Variants in NHS observed in about 807,000 individuals in gnomAD.
NHS encodes the protein NHS actin remodeling regulator.
In NHS, 5 loss-of-function variants were observed where a neutral mutation model predicts 72.5. That is an observed-to-expected ratio of 0.07 (90% CI 0.04 to 0.14). The LOEUF (loss-of-function observed/expected upper bound fraction) is 0.14. Ranked by LOEUF, NHS falls within the 10% of genes least tolerant of loss-of-function variation. NHS has a pLI of 1.00. For missense variants in NHS, 1,072 were observed against 1,355.7 expected, an observed-to-expected ratio of 0.79 and a Z score of 3.29; for synonymous variants, 464 against 547.7, an observed-to-expected ratio of 0.85 and a Z score of 2.13.
In NHS at chrX:17,692,236, T is replaced by G. The variant is rs920402109; in HGVS notation, c.719-99T>G. The G allele has an allele frequency of 3.0e-5, 30 of 983,731 alleles. No homozygotes were observed. In the African/African-American group the frequency reaches 3.7e-4, roughly 12 times the overall value. 81.1% of individuals were successfully genotyped at this position (983,731 alleles called of 1,213,427 possible). A position where few individuals can be genotyped will look rare whatever the true frequency, so the allele number is the denominator to read the frequency against. On this transcript the variant is annotated intron_variant, in intron 2 of 8. Coordinates refer to ENST00000676302, the MANE Select transcript of NHS (RefSeq NM_001291867.2). The stretch of plus-strand genomic sequence containing the variant: ...TAGCTAAAGTAATGAAAACTCACTT[T>G]TTTTTTTTTTTACAGCCTTTTGCTA...
intron 1 of NHS, among the ~76,000 whole-genome samples, chrX:17,383,187 A>G (rs928553092): frequency 5.4e-5 from 6 of 111,666 alleles, no homozygotes; most frequent in Admixed American, 2.8e-4. Context: ...AACTACTTGC[A>G]CTCAAACCTG....
intron 1 of NHS, among the ~76,000 whole-genome samples, chrX:17,483,496 C>T (rs1182411778): frequency 8.9e-6 from 1 of 112,328 alleles, no homozygotes; most frequent in African/African-American, 3.2e-5. Flanking sequence ...TATTAAATTT[C>T]AGTTACAAAT....
chrX:17,402,597 T>C (rs2064507731), intron 1 of NHS, among the ~76,000 whole-genome samples: 1 of 111,889 alleles, frequency 8.9e-6, no homozygotes, highest in Non-Finnish European at 1.9e-5. Context: ...CCAGAACAGA[T>C]AAATTTATAG....
chrX:17,562,765 T>C lies in NHS; in HGVS notation c.566-124977T>C, dbSNP rs73636658. 7.7e-3 allele frequency among the ~76,000 whole-genome samples: 864 copies of C among 112,270 alleles called. 7 individuals are homozygous for C. The highest frequency in any genetic ancestry group is 0.027 in the African/African-American group (840 of 30,885). ...TGTGGGATCCAAAAATTAATTATACTATACATTTGAAATCTGTTCATTTCA... is the reference window on the plus strand; with the variant it reads ...TGTGGGATCCAAAAATTAATTATACCATACATTTGAAATCTGTTCATTTCA... On this transcript the variant is annotated intron_variant, in intron 1 of 8. Transcript: ENST00000676302.
chrX:17,652,384 TA>T (rs1208757922), intron 1 of NHS, among the ~76,000 whole-genome samples: 4 of 112,645 alleles, frequency 3.6e-5, no homozygotes, highest in Non-Finnish European at 7.5e-5. Flanking sequence ...GTGGCTTGTA[TA>T]CACAACAGAA....
intron 1 of NHS, among the ~76,000 whole-genome samples, chrX:17,473,741 T>G (rs764090328): frequency 9.0e-6 from 1 of 111,643 alleles, no homozygotes; most frequent in Non-Finnish European, 1.9e-5. Flanking sequence ...GTTAGTAATT[T>G]TTTTACATTG....
chrX:17,544,585 C>T (rs1182124160), intron 1 of NHS, among the ~76,000 whole-genome samples: 2 of 111,953 alleles, frequency 1.8e-5, no homozygotes, highest in Admixed American at 9.5e-5. Flanking sequence ...GATCTTGGCT[C>T]CCTGCAACCT....
chrX:17,493,033 G>GT (rs1394469601), intron 1 of NHS, among the ~76,000 whole-genome samples: 3 of 111,903 alleles, frequency 2.7e-5, no homozygotes, highest in Non-Finnish European at 5.6e-5. Flanking sequence ...GTTGAATTCT[G>GT]TTTTTTGTTG....
intron 3 of NHS, among the ~76,000 whole-genome samples, chrX:17,718,423 GAAGGAAGA>G (rs1481159567): frequency 4.5e-5 from 4 of 88,985 alleles, no homozygotes; most frequent in African/African-American, 2.2e-4. Context: ...AGGAAGGAGA[GAAGGAAGA>G]AAGGAAGGAA....
chrX:17,385,520 A>T (rs1411513325), intron 1 of NHS, among the ~76,000 whole-genome samples: 1 of 111,140 alleles, frequency 9.0e-6, no homozygotes, highest in Non-Finnish European at 1.9e-5. Context: ...TCCAGAAAAA[A>T]TTTTTACTTA....
At chrX:17,672,392 G>A (rs919617000) in intron 1 of NHS, among the ~76,000 whole-genome samples, 10 of 112,395 alleles carry the variant, frequency 8.9e-5, no homozygotes, top group African/African-American at 3.2e-4. Context: ...GCTGGAAGTG[G>A]TGTGTGTCAC....
chrX:17,528,812 T>C (rs1162025373), intron 1 of NHS: 1 of 112,018 alleles, frequency 8.9e-6, no homozygotes, highest in East Asian at 2.8e-4. Flanking sequence ...TATAAATATA[T>C]GGTCTCTTGG....
rs1028087675 is a variant in NHS at position 17,376,331 on chromosome X, C to G, written c.565+9C>G. On this transcript the variant is annotated intron_variant, in intron 1 of 8. Coordinates refer to ENST00000676302, the MANE Select transcript of NHS (RefSeq NM_001291867.2). ...TAAGCAGGAGGCAGTGCGTGAGTAC[C>G]CGCGCCGTCCGCCCGCCAGGCTATG... 15 of 1,139,793 alleles carry G rather than the reference C, an allele frequency of 1.3e-5. No homozygotes were observed. The African/African-American group carries it at 2.7e-4, about 20-fold the overall frequency. The allele number at this position is 1,139,793 out of a possible 1,213,427, so 93.9% of individuals were successfully genotyped here.
intron 1 of NHS, among the ~76,000 whole-genome samples, chrX:17,411,415 A>G (rs1317114461): frequency 1.8e-5 from 2 of 111,639 alleles, no homozygotes; most frequent in Non-Finnish European, 3.8e-5. Context: ...GAGGTCATGT[A>G]TCCTTGATCC....
At chrX:17,615,261 C>CATATATATATATATATAT (rs756380375) in intron 1 of NHS, among the ~76,000 whole-genome samples, 3 of 89,857 alleles carry the variant, frequency 3.3e-5, no homozygotes, top group African/African-American at 1.5e-4. Context: ...CATATATACA[C>CATATATATATATATATAT]ATATATATAT....
intron 1 of NHS, chrX:17,635,526 A>C: frequency 8.6e-7 from 1 of 1,167,984 alleles, no homozygotes. Flanking sequence ...TTTGCATAAA[A>C]GAAAAGGCCC....
In NHS at chrX:17,727,752, C is replaced by T. The variant is rs200445700; in HGVS notation, c.3646C>T (p.His1216Tyr). 3.1e-5 allele frequency: 38 copies of T among 1,209,650 alleles called. No individual in the cohort carries two copies. The highest frequency in any genetic ancestry group is 4.2e-5 in the Non-Finnish European group (38 of 895,040). Residue 1216 changes from histidine (H) to tyrosine (Y), a missense_variant, in exon 7 of 9, where the codon CAT becomes TAT. His to Tyr is a moderately conservative substitution (Grantham distance 83). Transcript: ENST00000676302. ...AGTTGAGATGGGACCAGATAAACTA[C>T]ATTTAGAAAAAAACTCTACTTTTGA... ...SAVEMGPDKL[H>Y]LEKNSTFDVK...
intron 1 of NHS, among the ~76,000 whole-genome samples, chrX:17,511,747 C>T (rs908994360): frequency 3.6e-5 from 4 of 111,696 alleles, no homozygotes; most frequent in African/African-American, 1.3e-4. Context: ...GAAGATGACT[C>T]GTATCCCTTG....
At chrX:17,596,064 T>C (rs182641215) in intron 1 of NHS, among the ~76,000 whole-genome samples, 1 of 112,004 alleles carries the variant, frequency 8.9e-6, no homozygotes, top group African/African-American at 3.2e-5. Context: ...ATGAAGATTT[T>C]TTGTACTCAC....
Sources: allele counts gnomAD v4.1 joint callset (sites outside exome capture counted in the v4.1 genomes callset), GRCh38; gene constraint gnomAD v4.1.1; transcripts MANE v1.5; gene names NCBI Gene and HGNC (gene_info 2026-07-23, HGNC 2026-07-21).